Variants in OR51B5 observed in about 807,000 individuals in gnomAD.
The protein encoded by OR51B5 is olfactory receptor family 51 subfamily B member 5.
For missense variants in OR51B5, 456 were observed against 374.6 expected, an observed-to-expected ratio of 1.22 and a Z score of -1.79; for synonymous variants, 186 against 144.8, an observed-to-expected ratio of 1.28 and a Z score of -2.04.
rs1404524605 is a variant in OR51B5, at chr11:5,358,862, C to A, written n.85-11952G>T. Among the ~76,000 whole-genome samples the A allele has an allele frequency of 3.9e-5, 6 of 152,064 alleles. No homozygotes were observed. In the South Asian group the frequency reaches 1.3e-3, roughly 32 times the overall value. On this transcript the variant is annotated intron_variant and non_coding_transcript_variant, in intron 1 of 4. Coordinates refer to the OR51B5 transcript ENST00000415970. ...ACATATGCAAATCAATAAATGTAATCCAGCATATAAACAGAACCAAAGACA... is the reference window on the plus strand; with the variant it reads ...ACATATGCAAATCAATAAATGTAATACAGCATATAAACAGAACCAAAGACA...
At chr11:5,459,003 G>A (rs1851005477) in intron 1 of OR51B5, among the ~76,000 whole-genome samples, 1 of 152,150 alleles carries the variant, frequency 6.6e-6, no homozygotes, top group South Asian at 2.1e-4. Flanking sequence ...AGTAAGAGTG[G>A]TAAAAGTGGA....
chr11:5,459,366 G>T (rs565336115), intron 1 of OR51B5, among the ~76,000 whole-genome samples: 1 of 152,080 alleles, frequency 6.6e-6, no homozygotes, highest in Non-Finnish European at 1.5e-5. Flanking sequence ...CTAGCATTTT[G>T]TTGAGGATTT....
At chr11:5,484,393 C>T (rs964997315) in intron 1 of OR51B5, among the ~76,000 whole-genome samples, 1 of 152,126 alleles carries the variant, frequency 6.6e-6, no homozygotes, top group South Asian at 2.1e-4. Context: ...TAGCAGTTAC[C>T]TTACAACAGT....
At chr11:5,412,104 TTCTC>T (rs1194970402) in intron 1 of OR51B5, among the ~76,000 whole-genome samples, 3 of 152,190 alleles carry the variant, frequency 2.0e-5, no homozygotes, top group Non-Finnish European at 4.4e-5. Flanking sequence ...GCACAGACCT[TTCTC>T]TCCTCCTCCT....
intron 1 of OR51B5, among the ~76,000 whole-genome samples, chr11:5,366,138 C>G (rs1849361790): frequency 6.6e-6 from 1 of 151,650 alleles, no homozygotes; most frequent in African/African-American, 2.4e-5. Context: ...ACCCAGTGGG[C>G]AAAATAAGAA....
intron 1 of OR51B5, among the ~76,000 whole-genome samples, chr11:5,473,679 T>C (rs904858442): frequency 1.3e-5 from 2 of 152,178 alleles, no homozygotes; most frequent in South Asian, 2.1e-4. Flanking sequence ...AAAATAAGCA[T>C]ACACATTTAG....
intron 1 of OR51B5, among the ~76,000 whole-genome samples, chr11:5,412,853 T>A (rs1273292943): frequency 6.6e-6 from 1 of 151,292 alleles, no homozygotes; most frequent in African/African-American, 2.5e-5. Flanking sequence ...AGGCTCCACC[T>A]CTGGGGGCAG....
chr11:5,346,495 A>T (rs1357139679), upstream of OR51B5: 1 of 152,116 alleles, frequency 6.6e-6, no homozygotes, highest in Non-Finnish European at 1.5e-5. Flanking sequence ...TCTAACATTT[A>T]CAGCCATAAT....
chr11:5,440,950 C>A, intron 1 of OR51B5: 1 of 1,613,950 alleles, frequency 6.2e-7, no homozygotes, highest in Non-Finnish European at 8.5e-7. Flanking sequence ...CCACATGCTA[C>A]TTTCATGAGA....
At chr11:5,356,407 A>C (rs1235542544) in intron 1 of OR51B5, among the ~76,000 whole-genome samples, 33 of 151,506 alleles carry the variant, frequency 2.2e-4, no homozygotes, top group Non-Finnish European at 3.4e-4. Flanking sequence ...GAAATGAAGC[A>C]AGAAGAGAAG....
At chr11:5,418,215 T>C (rs1225775404) in intron 1 of OR51B5, among the ~76,000 whole-genome samples, 2 of 151,378 alleles carry the variant, frequency 1.3e-5, no homozygotes, top group East Asian at 2.0e-4. Flanking sequence ...TGAGAACACA[T>C]GGACACAGGA....
downstream of OR51B5, among the ~76,000 whole-genome samples, chr11:5,341,587 TCAGA>T (rs954056798): frequency 2.0e-5 from 3 of 152,200 alleles, no homozygotes; most frequent in Non-Finnish European, 4.4e-5. Context: ...TCCTAACTCA[TCAGA>T]CAATTTTAAT....
chr11:5,422,322 T>C, intron 1 of OR51B5: 1 of 1,613,966 alleles, frequency 6.2e-7, no homozygotes, highest in Non-Finnish European at 8.5e-7. Context: ...ACCATCTCCA[T>C]CATGGGCAAT....
At chr11:5,438,929 G>A (rs1350203429) in intron 1 of OR51B5, among the ~76,000 whole-genome samples, 1 of 152,196 alleles carries the variant, frequency 6.6e-6, no homozygotes, top group African/African-American at 2.4e-5. Context: ...CCCATCTAAA[G>A]AGGGAAGAAG....
At chr11:5,365,501 G>A (rs1008120460) in intron 1 of OR51B5, among the ~76,000 whole-genome samples, 1 of 139,514 alleles carries the variant, frequency 7.2e-6, no homozygotes, top group African/African-American at 2.7e-5. Context: ...CCATTTTCCT[G>A]TCTATGCACA....
chr11:5,410,359 A>G (rs1850128026), intron 1 of OR51B5, among the ~76,000 whole-genome samples: 1 of 152,174 alleles, frequency 6.6e-6, no homozygotes, highest in Non-Finnish European at 1.5e-5. Flanking sequence ...TCTATCTAGC[A>G]TTACTGGGAA....
At position 5,373,917 on chromosome 11, in the gene OR51B5, A is replaced by G. The variant is rs999774148; in HGVS notation, n.85-27007T>C. On this transcript the variant is annotated intron_variant and non_coding_transcript_variant, in intron 1 of 4. Transcript: ENST00000415970. ...TTGGGGGCAGGGCACAGACAAACAA[A>G]AAGACAGCAGTAACCTCTGCAGACT... Among the ~76,000 whole-genome samples the G allele has an allele frequency of 5.3e-5, 8 of 152,090 alleles. 1 individual carries two copies. Among genetic ancestry groups the G allele is most frequent in the African/African-American group, 1.2e-4 (5 of 41,414 alleles).
At chr11:5,351,799 C>T (rs1849093167) in intron 1 of OR51B5, 1 of 1,614,120 alleles carries the variant, frequency 6.2e-7, no homozygotes, top group Non-Finnish European at 8.5e-7. Flanking sequence ...CTGCTTCTCT[C>T]AGGCCTATTT....
At chr11:5,457,919 T>C (rs1850984666) in intron 1 of OR51B5, among the ~76,000 whole-genome samples, 1 of 152,188 alleles carries the variant, frequency 6.6e-6, no homozygotes, top group Admixed American at 6.5e-5. Flanking sequence ...ATGTTGTCTA[T>C]TCAGTCTATT....
Sources: gnomAD v4.1 joint callset for allele counts (sites outside exome capture counted in the v4.1 genomes callset) on GRCh38, gnomAD v4.1.1 for gene constraint, MANE v1.5 for transcripts, NCBI Gene and HGNC (gene_info 2026-07-23, HGNC 2026-07-21) for gene names.